ZNF469: variants seen among roughly 807,000 people sequenced by gnomAD.
ZNF469 encodes the protein zinc finger protein 469.
In ZNF469, 1 loss-of-function variant was observed where a neutral mutation model predicts 1.0. The observed-to-expected ratio is 1.00, with a 90% CI of 0.35 to 4.73. ZNF469 has a LOEUF of 4.73. Among genes scored for constraint, ZNF469 ranks in the 30% most tolerant of loss-of-function variants. The pLI, the probability that ZNF469 is intolerant of heterozygous loss-of-function variation, is 0.16. For missense variants in ZNF469, 6,100 were observed against 5,356.3 expected (o/e 1.14, Z -4.33); for synonymous variants, 2,703 against 2,363.4 (o/e 1.14, Z -4.17).
chr16:88,251,438 T>C, the ZNF469 span, among the ~76,000 whole-genome samples: 5 of 151,998 alleles, frequency 3.3e-5, no homozygotes, highest in Non-Finnish European at 5.9e-5. Context: ...GTTGTGTTCT[T>C]CTGAAGATTG....
the ZNF469 span, among the ~76,000 whole-genome samples, chr16:88,291,832 G>C: frequency 0.13 from 19,571 of 152,102 alleles, 3,008 homozygotes; most frequent in African/African-American, 0.37. Context: ...CCCTTCTGGG[G>C]AGAGAAGAAC....
chr16:88,263,666 C>A, the ZNF469 span, among the ~76,000 whole-genome samples: 1 of 152,224 alleles, frequency 6.6e-6, no homozygotes, highest in South Asian at 2.1e-4. Flanking sequence ...CTCCCTTTTC[C>A]GGGGGGTCCA....
intron 2 of ZNF469, among the ~76,000 whole-genome samples, chr16:88,425,370 G>A (rs960122729): frequency 6.6e-6 from 1 of 152,220 alleles, no homozygotes; most frequent in African/African-American, 2.4e-5. Context: ...GGGCCTGGCT[G>A]TTGCTGTTCC....
the ZNF469 span, chr16:88,276,663 G>T: frequency 2.0e-5 from 3 of 152,212 alleles, no homozygotes; most frequent in Admixed American, 6.5e-5. Flanking sequence ...GGGCTGTATC[G>T]CATGAAGACA....
the ZNF469 span, among the ~76,000 whole-genome samples, chr16:88,206,534 C>G: frequency 1.3e-5 from 2 of 151,954 alleles, no homozygotes; most frequent in Non-Finnish European, 2.9e-5. Flanking sequence ...CAAAGGCTGC[C>G]GATTACCACA....
chr16:88,344,419 C>T, the ZNF469 span, among the ~76,000 whole-genome samples: 1 of 152,236 alleles, frequency 6.6e-6, no homozygotes, highest in African/African-American at 2.4e-5. Context: ...TTGCAACCTT[C>T]ATGTACATCT....
chr16:88,229,553 C>CGTGTGG, the ZNF469 span, among the ~76,000 whole-genome samples: 1 of 150,682 alleles, frequency 6.6e-6, no homozygotes, highest in African/African-American at 2.4e-5. Context: ...GTGGATGTCA[C>CGTGTGG]ACGTGTGGAT....
the ZNF469 span, among the ~76,000 whole-genome samples, chr16:88,305,790 A>G: frequency 6.6e-6 from 1 of 152,174 alleles, no homozygotes; most frequent in East Asian, 1.9e-4. Flanking sequence ...GCACATTCAC[A>G]TGCACACATA....
chr16:88,105,141 A>T, the ZNF469 span, among the ~76,000 whole-genome samples: 5 of 152,146 alleles, frequency 3.3e-5, no homozygotes, highest in Non-Finnish European at 7.3e-5. Flanking sequence ...GGAACAGTTG[A>T]GCTGGGAAGG....
chr16:88,430,109 G>A lies in ZNF469; in HGVS notation c.2639G>A (p.Ser880Asn). Residue 880 changes from serine (S) to asparagine (N), a missense_variant, in exon 3 of 3, where the codon AGC (serine) becomes AAC (asparagine). Transcript: ENST00000565624. ...DEEPSGPRGP[S>N]SGHPLKSKAG... The stretch of plus-strand genomic sequence containing the variant: ...GAGCCTTCCGGCCCCAGAGGTCCCA[G>A]CTCCGGACACCCCCTTAAGAGCAAG... 5.2e-6 allele frequency: 8 copies of A among 1,542,394 alleles called. No individual in the cohort carries two copies. The highest frequency in any genetic ancestry group is 6.1e-6 in the Non-Finnish European group (7 of 1,146,912).
chr16:88,164,516 A>G, the ZNF469 span, among the ~76,000 whole-genome samples: 2 of 151,656 alleles, frequency 1.3e-5, no homozygotes, highest in Non-Finnish European at 2.9e-5. Flanking sequence ...TGAGCAGATG[A>G]ATGTGTGGGT....
At chr16:88,130,095 C>T in the ZNF469 span, among the ~76,000 whole-genome samples, 3 of 152,182 alleles carry the variant, frequency 2.0e-5, no homozygotes, top group Non-Finnish European at 4.4e-5. Flanking sequence ...CGTGGGTCGG[C>T]AGAGTTGGGC....
At chr16:88,327,361 A>G in the ZNF469 span, among the ~76,000 whole-genome samples, 1 of 152,166 alleles carries the variant, frequency 6.6e-6, no homozygotes, top group Non-Finnish European at 1.5e-5. Flanking sequence ...CACCCCTGCC[A>G]CCTGGCTTTG....
chr16:88,255,376 TATCTC>T, the ZNF469 span, among the ~76,000 whole-genome samples: 8 of 152,368 alleles, frequency 5.3e-5, 1 homozygote, highest in South Asian at 4.1e-4. Context: ...TTCCCTGTGT[TATCTC>T]ATATCATCCC....
At chr16:88,254,196 G>C in the ZNF469 span, among the ~76,000 whole-genome samples, 2 of 152,174 alleles carry the variant, frequency 1.3e-5, no homozygotes, top group East Asian at 3.9e-4. Context: ...TGCACAGATT[G>C]AGATAGAGGT....
the ZNF469 span, among the ~76,000 whole-genome samples, chr16:88,101,248 C>T: frequency 4.6e-5 from 7 of 152,340 alleles, no homozygotes; most frequent in African/African-American, 1.7e-4. Flanking sequence ...CATCCGGGAA[C>T]ATCTTTCAGG....
rs950869305 is a variant in ZNF469, at chr16:88,437,794, A to G, written c.10324A>G (p.Arg3442Gly). The change falls in exon 3 of 3, where the codon AGG (arginine) becomes GGG (glycine). Residue 3442 changes from arginine to glycine, a missense_variant. By Grantham distance (125) the Arg-to-Gly change is moderately radical. Transcript: ENST00000565624. ...CGACCGCCACATGAACAAGCACCTCAGGGGGGGGCGGCAGCCCTTCGCGTT... is the reference window on the plus strand; with the variant it reads ...CGACCGCCACATGAACAAGCACCTCGGGGGGGGGCGGCAGCCCTTCGCGTT... ...QFDRHMNKHL[R>G]GGRQPFAFRG... 9.1e-6 allele frequency: 14 copies of G among 1,545,034 alleles called. No individual in the cohort carries two copies. The highest frequency in any genetic ancestry group is 1.4e-5 in the African/African-American group (1 of 72,808).
the ZNF469 span, among the ~76,000 whole-genome samples, chr16:88,109,165 C>T: frequency 1.3e-5 from 2 of 152,210 alleles, no homozygotes; most frequent in African/African-American, 4.8e-5. Context: ...CTCCTGGGAG[C>T]AGCTGCATGG....
chr16:88,341,267 C>T, the ZNF469 span, among the ~76,000 whole-genome samples: 1 of 152,180 alleles, frequency 6.6e-6, no homozygotes, highest in Non-Finnish European at 1.5e-5. Flanking sequence ...TGCTGGGGGC[C>T]TGTACAGGGC....
Sources: allele counts gnomAD v4.1 joint callset (sites outside exome capture counted in the v4.1 genomes callset), GRCh38; gene constraint gnomAD v4.1.1; transcripts MANE v1.5; gene names NCBI Gene and HGNC (gene_info 2026-07-23, HGNC 2026-07-21).